Variants in TNKS observed in about 807,000 individuals in gnomAD.
TNKS encodes the protein poly [ADP-ribose] polymerase tankyrase-1.
In TNKS, 72 loss-of-function variants were observed where a neutral mutation model predicts 135.8. The ratio of observed to expected loss-of-function variants is 0.53; its 90% CI spans 0.44 to 0.64. TNKS has a LOEUF of 0.64. TNKS is among the 30% of genes least tolerant of loss of function. TNKS has a pLI of 0.00. For missense variants in TNKS, 1,769 were observed against 1,674.0 expected, an observed-to-expected ratio of 1.06 and a Z score of -0.99; for synonymous variants, 849 against 649.3, an observed-to-expected ratio of 1.31 and a Z score of -4.68.
At chr8:9,655,349 C>A (rs923363227) in intron 3 of TNKS, among the ~76,000 whole-genome samples, 1 of 152,210 alleles carries the variant, frequency 6.6e-6, no homozygotes, top group African/African-American at 2.4e-5. Flanking sequence ...CAGCAGAAAC[C>A]CCTGCAGACT....
chr8:9,603,711 A>T (rs1235318083), intron 2 of TNKS, among the ~76,000 whole-genome samples: 1 of 152,182 alleles, frequency 6.6e-6, no homozygotes, highest in Admixed American at 6.5e-5. Context: ...TGAAAGAAGA[A>T]CCCTGGTTTA....
chr8:9,763,235 G>A lies in TNKS; in HGVS notation c.3363G>A (p.Val1121=), dbSNP rs1362021536. 3 of 1,599,552 alleles carry A rather than the reference G, an allele frequency of 1.9e-6. No individual in the cohort carries two copies. Among genetic ancestry groups the A allele is most frequent in the East Asian group, 4.5e-5 (2 of 44,738 alleles). The change falls in exon 22 of 27, where the codon GTG becomes GTA. Residue 1121 remains valine, a synonymous_variant. Coordinates refer to ENST00000310430, the MANE Select transcript of TNKS (RefSeq NM_003747.3). ...CAGAAGATAAAGAATATCAGTCAGTGGAAGAAGAGGTAATATACATCAGAA... is the reference window on the plus strand; with the variant it reads ...CAGAAGATAAAGAATATCAGTCAGTAGAAGAAGAGGTAATATACATCAGAA... The part of the protein sequence containing the change: ...LAPEDKEYQS[V]EEEMQSTIRE...
intron 1 of TNKS, among the ~76,000 whole-genome samples, chr8:9,579,269 C>T (rs963210450): frequency 1.3e-5 from 2 of 152,134 alleles, no homozygotes; most frequent in African/African-American, 4.8e-5. Flanking sequence ...GTTCACCACC[C>T]ATTTCATATA....
intron 9 of TNKS, 35 bp downstream of exon 9, chr8:9,708,527 A>G (rs565976993): frequency 2.0e-6 from 3 of 1,500,324 alleles, no homozygotes; most frequent in East Asian, 2.4e-5. Context: ...CCCTGTGTCT[A>G]TAATAATAAC....
Position 9,556,619 on chromosome 8 carries a change from G to C in TNKS, c.673+7G>C. The C allele has an allele frequency of 1.2e-6, 2 of 1,613,038 alleles. No homozygotes were observed. Among genetic ancestry groups the C allele is most frequent in the Non-Finnish European group, 1.7e-6 (2 of 1,180,030 alleles). ...CCCCTGCACTTCGCTGCAGGTCAGA[G>C]ACTTTTGAATTGTTTATTAAGGGTT... is the stretch of plus-strand genomic sequence containing the variant. On this transcript the variant is annotated splice_region_variant and intron_variant, in intron 1 of 26. Coordinates refer to ENST00000310430, the MANE Select transcript of TNKS (RefSeq NM_003747.3).
At chr8:9,703,296 G>C (rs978900244) in intron 5 of TNKS, among the ~76,000 whole-genome samples, 3 of 152,142 alleles carry the variant, frequency 2.0e-5, no homozygotes, top group Non-Finnish European at 4.4e-5. Flanking sequence ...ATAGTGCTCA[G>C]CTTAAAACTT....
At position 9,679,689 on chromosome 8, in the gene TNKS, C is replaced by A. The variant is rs774557235; in HGVS notation, c.995-262C>A. On this transcript the variant is annotated intron_variant, in intron 3 of 26. Coordinates refer to ENST00000310430, the MANE Select transcript of TNKS (RefSeq NM_003747.3). ...ATCAGAGGGAATGTGTTTCTGGACA[C>A]GAGATTTAGCATTCATTGGTTGTCT... 2.2e-5 allele frequency: 9 copies of A among 407,454 alleles called. No individual in the cohort carries two copies. The South Asian group carries it at 3.2e-4, about 15-fold the overall frequency. The allele number at this position is 407,454 out of a possible 1,614,324, so 25.2% of individuals were successfully genotyped here.
chr8:9,619,221 C>T (rs936468338), intron 3 of TNKS, among the ~76,000 whole-genome samples: 4 of 151,974 alleles, frequency 2.6e-5, no homozygotes, highest in Non-Finnish European at 5.9e-5. Context: ...AAAAAGGCTG[C>T]GCTGCATGTG....
At chr8:9,586,744 T>C (rs1798394994) in intron 2 of TNKS, among the ~76,000 whole-genome samples, 1 of 151,644 alleles carries the variant, frequency 6.6e-6, no homozygotes, top group Non-Finnish European at 1.5e-5. Context: ...TGTGTGTGTG[T>C]GTGTGTGTGT....
At chr8:9,596,247 C>A (rs1798781813) in intron 2 of TNKS, among the ~76,000 whole-genome samples, 1 of 152,064 alleles carries the variant, frequency 6.6e-6, no homozygotes, top group South Asian at 2.1e-4. Context: ...GCAGATTTTG[C>A]TTTGCATCTT....
At chr8:9,704,863 T>G (rs1304703899) in intron 6 of TNKS, 106 bp downstream of exon 6, 1 of 769,892 alleles carries the variant, frequency 1.3e-6, no homozygotes, top group African/African-American at 1.7e-5. Context: ...ACGGCTTACA[T>G]AACGTTTTAA....
intron 3 of TNKS, among the ~76,000 whole-genome samples, chr8:9,624,016 A>C (rs1799963538): frequency 6.6e-6 from 1 of 151,468 alleles, no homozygotes; most frequent in Non-Finnish European, 1.5e-5. Flanking sequence ...GAAAAAAGGA[A>C]AAACAACAAC....
chr8:9,701,978 T>C (rs1803825466), intron 5 of TNKS, among the ~76,000 whole-genome samples: 1 of 152,174 alleles, frequency 6.6e-6, no homozygotes, highest in African/African-American at 2.4e-5. Flanking sequence ...GAGTCTGTAA[T>C]AGTTTCTGTT....
At chr8:9,776,269 AT>A (rs1440344163) in intron 26 of TNKS, among the ~76,000 whole-genome samples, 19 of 152,176 alleles carry the variant, frequency 1.2e-4, no homozygotes, top group African/African-American at 3.4e-4. Context: ...ATTCAGCAAA[AT>A]TTTTCTTTCA....
At chr8:9,749,688 C>T (rs912322757) in intron 18 of TNKS, among the ~76,000 whole-genome samples, 1 of 151,802 alleles carries the variant, frequency 6.6e-6, no homozygotes, top group African/African-American at 2.4e-5. Context: ...GCTATGTTGC[C>T]CAGGTTAGTC....
At chr8:9,732,802 C>T (rs1262305777) in intron 14 of TNKS, among the ~76,000 whole-genome samples, 1 of 152,078 alleles carries the variant, frequency 6.6e-6, no homozygotes. Context: ...GAATACTTCT[C>T]TGAATTACCT....
chr8:9,588,085 G>C (rs1798455800), intron 2 of TNKS, among the ~76,000 whole-genome samples: 1 of 152,066 alleles, frequency 6.6e-6, no homozygotes, highest in South Asian at 2.1e-4. Context: ...TTAAATGATT[G>C]TTTCTGAAGT....
At chr8:9,717,068 TTATA>T (rs1393387097) in intron 11 of TNKS, among the ~76,000 whole-genome samples, 49 of 86,294 alleles carry the variant, frequency 5.7e-4, no homozygotes, top group Non-Finnish European at 9.5e-4. Context: ...ATCTGTTGTA[TTATA>T]ATATATATAT....
At chr8:9,630,472 G>C (rs1399793749) in intron 3 of TNKS, among the ~76,000 whole-genome samples, 1 of 152,196 alleles carries the variant, frequency 6.6e-6, no homozygotes, top group Admixed American at 6.5e-5. Flanking sequence ...GTGTTGGTCT[G>C]TGGGTCTCAG....
Sources: gnomAD v4.1 joint callset for allele counts (sites outside exome capture counted in the v4.1 genomes callset) on GRCh38, gnomAD v4.1.1 for gene constraint, MANE v1.5 for transcripts, NCBI Gene and HGNC (gene_info 2026-07-23, HGNC 2026-07-21) for gene names.